The following PFKFB4 variants were observed in gnomAD, a reference collection of about 807,000 sequenced individuals.
PFKFB4 encodes the protein 6-phosphofructo-2-kinase/fructose-2,6-biphosphatase 4, also known as 6-phosphofructo-2-kinase/fructose-2,6-bisphosphatase 4.
A neutral mutation model predicts 62.8 loss-of-function variants in PFKFB4; 42 were observed. That is an observed-to-expected ratio of 0.67 (90% CI 0.52 to 0.86). The LOEUF is 0.86. Among genes scored for constraint, PFKFB4 ranks in the 40% least tolerant of loss-of-function variants. PFKFB4 has a pLI of 0.00. For missense variants in PFKFB4, 475 were observed against 627.2 expected (o/e 0.76, Z 2.59); for synonymous variants, 204 against 240.7 (o/e 0.85, Z 1.41).
intron 9 of PFKFB4, among the ~76,000 whole-genome samples, chr3:48,526,940 CAAA>C (rs777088751): frequency 1.1e-4 from 7 of 65,704 alleles, no homozygotes; most frequent in Non-Finnish European, 1.2e-4. Context: ...GACTCCATCT[CAAA>C]AAAAAAAAAA....
upstream of PFKFB4, among the ~76,000 whole-genome samples, chr3:48,560,202 C>T (rs573084438): frequency 6.6e-6 from 1 of 152,332 alleles, no homozygotes; most frequent in Non-Finnish European, 1.5e-5. Flanking sequence ...CACACAGACG[C>T]ACACACACTC....
At chr3:48,534,449 A>G (rs1473950283) in intron 9 of PFKFB4, among the ~76,000 whole-genome samples, 4 of 152,222 alleles carry the variant, frequency 2.6e-5, no homozygotes, top group Non-Finnish European at 5.9e-5. Flanking sequence ...ATTGCTAAAA[A>G]TCAGCAATAA....
intron 3 of PFKFB4, among the ~76,000 whole-genome samples, chr3:48,545,696 G>A (rs1249442166): frequency 6.6e-6 from 1 of 151,484 alleles, no homozygotes; most frequent in Non-Finnish European, 1.5e-5. Flanking sequence ...TTAACTCCTA[G>A]CTTCCAGTGA....
intron 3 of PFKFB4, among the ~76,000 whole-genome samples, chr3:48,544,004 C>T (rs553322064): frequency 2.0e-5 from 3 of 148,764 alleles, no homozygotes; most frequent in African/African-American, 4.9e-5. Flanking sequence ...CCCCCCCGCC[C>T]GCCTTTTATT....
chr3:48,539,203 G>T, intron 6 of PFKFB4, 51 bp downstream of exon 6: 3 of 1,407,094 alleles, frequency 2.1e-6, no homozygotes, highest in African/African-American at 1.4e-5. Flanking sequence ...ACCTGAAAAG[G>T]GATGTCCCTG....
intron 7 of PFKFB4, among the ~76,000 whole-genome samples, chr3:48,537,649 C>T (rs955659433): frequency 2.6e-5 from 4 of 151,528 alleles, no homozygotes; most frequent in South Asian, 4.2e-4. Context: ...CTCAGCCTCC[C>T]GAGTAGCTGG....
intron 1 of PFKFB4, among the ~76,000 whole-genome samples, chr3:48,552,926 TG>T (rs2043199929): frequency 6.6e-6 from 1 of 152,150 alleles, no homozygotes; most frequent in South Asian, 2.1e-4. Flanking sequence ...CTATCTCCTC[TG>T]CTCCCCAAGA....
At chr3:48,541,393 T>C (rs1401411446) in intron 4 of PFKFB4, among the ~76,000 whole-genome samples, 1 of 152,076 alleles carries the variant, frequency 6.6e-6, no homozygotes, top group African/African-American at 2.4e-5. Context: ...CCTCCCAAAG[T>C]GCTGGGATTA....
upstream of PFKFB4, chr3:48,559,708 C>T (rs1242553308): frequency 2.4e-6 from 1 of 420,074 alleles, no homozygotes; most frequent in African/African-American, 2.0e-5. Context: ...ATGTTCTGCT[C>T]AGCCTCTGCC....
upstream of PFKFB4, chr3:48,557,161 C>G: frequency 4.4e-6 from 1 of 225,842 alleles, no homozygotes; most frequent in Non-Finnish European, 8.5e-6. Flanking sequence ...ATAGGCCCCA[C>G]CTACGGGCTC....
intron 9 of PFKFB4, among the ~76,000 whole-genome samples, chr3:48,530,665 A>C (rs2042400650): frequency 6.6e-6 from 1 of 152,208 alleles, no homozygotes; most frequent in South Asian, 2.1e-4. Flanking sequence ...GGCTAGGCTA[A>C]AACTCAAAGC....
chr3:48,563,104 C>G (rs1283765012), upstream of PFKFB4: 1 of 1,610,940 alleles, frequency 6.2e-7, no homozygotes, highest in East Asian at 2.2e-5. This position sits in a 1 kb window ranked among gnomAD's most constrained non-coding sequence, Gnocchi z 4.5. Context: ...CCATCAGCAA[C>G]AGCAGAGCAC....
At chr3:48,538,166 C>T (rs1235013179) in intron 7 of PFKFB4, among the ~76,000 whole-genome samples, 1 of 152,172 alleles carries the variant, frequency 6.6e-6, no homozygotes, top group Non-Finnish European at 1.5e-5. Context: ...GACTGTACAT[C>T]CTCCAAGGTC....
intron 9 of PFKFB4, among the ~76,000 whole-genome samples, chr3:48,527,612 T>G (rs1208132607): frequency 1.3e-5 from 2 of 151,914 alleles, no homozygotes; most frequent in Non-Finnish European, 2.9e-5. Context: ...TAGTAGAAAT[T>G]TAGACATTAA....
upstream of PFKFB4, among the ~76,000 whole-genome samples, chr3:48,557,951 G>GT (rs1426316882): frequency 6.6e-6 from 1 of 151,834 alleles, no homozygotes; most frequent in African/African-American, 2.4e-5. Context: ...TAGTATTTTG[G>GT]TTTTTTTAAC....
rs1281600311 is a variant in PFKFB4 at position 48,536,223 on chromosome 3, CCCGTGTGCGCACGCA to C, written c.840+18_840+32del. On this transcript the variant is annotated intron_variant, in intron 8 of 13. Transcript: ENST00000232375. ...CAGCCACGCAGGGTACAAATGCAGG[CCCGTGTGCGCACGCA>C]GGGACACATGCACTGACCTCCCTGC... 1 of 1,588,674 alleles carries C rather than the reference CCCGTGTGCGCACGCA, an allele frequency of 6.3e-7. No individual in the cohort carries two copies. Among genetic ancestry groups the C allele is most frequent in the Admixed American group, 1.7e-5 (1 of 59,770 alleles).
chr3:48,554,766 A>G (rs1225538346), intron 1 of PFKFB4, among the ~76,000 whole-genome samples: 1 of 152,166 alleles, frequency 6.6e-6, no homozygotes, highest in East Asian at 1.9e-4. Context: ...AGGCTCACAG[A>G]CTTGGCTAGG....
chr3:48,539,448 A>G (rs2042734744), intron 5 of PFKFB4, 138 bp from the exon 6 acceptor site: 1 of 803,820 alleles, frequency 1.2e-6, no homozygotes, highest in Non-Finnish European at 2.1e-6. Flanking sequence ...ACCCTGCTTC[A>G]GAGGGCTGGA....
At chr3:48,550,000 AC>A in intron 2 of PFKFB4, 40 bp from the exon 3 acceptor site, 1 of 1,490,746 alleles carries the variant, frequency 6.7e-7, no homozygotes, top group Non-Finnish European at 9.4e-7. Flanking sequence ...AGCAACAGCA[AC>A]CCCTACCAAC....
Sources: allele counts gnomAD v4.1 joint callset (sites outside exome capture counted in the v4.1 genomes callset), GRCh38; gene constraint gnomAD v4.1.1; non-coding constraint Gnocchi (gnomAD v3.1); transcripts MANE v1.5; gene names NCBI Gene and HGNC (gene_info 2026-07-23, HGNC 2026-07-21).